SGPP2: variants seen among roughly 807,000 people sequenced by gnomAD.
SGPP2 encodes sphingosine 1-phosphate phosphohydrolase 2.
A neutral mutation model predicts 33.9 loss-of-function variants in SGPP2; 30 were observed. The observed-to-expected ratio is 0.89, with a 90% confidence interval of 0.66 to 1.20. SGPP2 has a LOEUF of 1.20. Among genes scored for constraint, SGPP2 ranks in the 50% most tolerant of loss-of-function variants. SGPP2 has a pLI of 0.00. For synonymous variants in SGPP2, 233 were observed against 225.0 expected (o/e 1.04, Z -0.32); for missense variants, 458 against 532.1 (o/e 0.86, Z 1.37).
chr2:222,483,307 A>ATT (rs202239975), intron 2 of SGPP2, among the ~76,000 whole-genome samples: 4 of 146,336 alleles, frequency 2.7e-5, no homozygotes, highest in African/African-American at 1.0e-4. Flanking sequence ...TATAAATTTC[A>ATT]TTTTTTTTTT....
intron 1 of SGPP2, among the ~76,000 whole-genome samples, chr2:222,444,695 A>G (rs1697373966): frequency 6.6e-6 from 1 of 152,196 alleles, no homozygotes; most frequent in Admixed American, 6.5e-5. Flanking sequence ...CAAACCAACA[A>G]TTTTGAGTGC....
At chr2:222,515,474 A>T (rs13018763) in intron 2 of SGPP2, among the ~76,000 whole-genome samples, 1 of 151,618 alleles carries the variant, frequency 6.6e-6, no homozygotes, top group Non-Finnish European at 1.5e-5. Context: ...GACTACAGGC[A>T]CCCACCACCA....
At chr2:222,558,293 G>C (rs972007964) in intron 4 of SGPP2, 54 bp from the exon 5 acceptor site, 3 of 1,564,602 alleles carry the variant, frequency 1.9e-6, no homozygotes, top group Admixed American at 1.7e-5. Flanking sequence ...AATTATACCT[G>C]TATACAAGGA....
chr2:222,488,024 A>C (rs1698138788), intron 2 of SGPP2, among the ~76,000 whole-genome samples: 1 of 152,126 alleles, frequency 6.6e-6, no homozygotes, highest in African/African-American at 2.4e-5. Context: ...CTAGCTCAGA[A>C]CACACATTCA....
At chr2:222,511,751 C>T (rs373365912) in intron 2 of SGPP2, among the ~76,000 whole-genome samples, 13 of 152,146 alleles carry the variant, frequency 8.5e-5, no homozygotes, top group African/African-American at 2.7e-4. Flanking sequence ...CATCATGGCT[C>T]ACTGCGGTCT....
At position 222,521,763 on chromosome 2, in the gene SGPP2, G is replaced by A. The variant is rs1234730868; in HGVS notation, c.379-4G>A. ...AGACTTACCTCAGTCCTTTGGTTTT[G>A]CAGTTGGTGATGTATATTGGCCAAG... is the stretch of plus-strand genomic sequence containing the variant. On this transcript the variant is annotated splice_polypyrimidine_tract_variant and splice_region_variant and intron_variant, in intron 2 of 4. Transcript: ENST00000321276. 1 of 1,595,816 alleles carries A rather than the reference G, an allele frequency of 6.3e-7. No individual in the cohort carries two copies. Among genetic ancestry groups the A allele is most frequent in the Non-Finnish European group, 8.5e-7 (1 of 1,173,488 alleles).
At chr2:222,500,471 A>C (rs1283384892) in intron 2 of SGPP2, among the ~76,000 whole-genome samples, 1 of 152,188 alleles carries the variant, frequency 6.6e-6, no homozygotes, top group Non-Finnish European at 1.5e-5. Context: ...CTTTGGACTT[A>C]GTTTGCCACA....
At chr2:222,527,183 C>G (rs962201135) in intron 4 of SGPP2, among the ~76,000 whole-genome samples, 1 of 152,044 alleles carries the variant, frequency 6.6e-6, no homozygotes, top group African/African-American at 2.4e-5. Context: ...GGCCTGTCAT[C>G]CAGATGCAAG....
intron 4 of SGPP2, among the ~76,000 whole-genome samples, chr2:222,530,724 A>G (rs1254633486): frequency 6.6e-6 from 1 of 152,224 alleles, no homozygotes; most frequent in African/African-American, 2.4e-5. Context: ...TAATTCATGT[A>G]TTCATTGGAG....
rs1394695967 is a variant in SGPP2, at chr2:222,476,321, G to C, written c.378+1595G>C. ...CCTGGGCCAGGGTGAGGGGTGGCAAGGGCGGGGTATCCACACAAATTCTTC... is the reference window on the plus strand; with the variant it reads ...CCTGGGCCAGGGTGAGGGGTGGCAACGGCGGGGTATCCACACAAATTCTTC... On this transcript the variant is annotated intron_variant, in intron 2 of 4. Transcript: ENST00000321276. The surrounding 1 kb of genome is among the most constrained non-coding windows in gnomAD (Gnocchi z 4.3). 6.6e-6 allele frequency among the ~76,000 whole-genome samples: 1 copy of C among 152,132 alleles called. No homozygotes were observed.
chr2:222,523,090 AG>A (rs1698710555), intron 3 of SGPP2, among the ~76,000 whole-genome samples: 2 of 152,212 alleles, frequency 1.3e-5, no homozygotes, highest in Admixed American at 1.3e-4. Flanking sequence ...TCCATATTCC[AG>A]GTTATGCAGA....
intron 1 of SGPP2, among the ~76,000 whole-genome samples, chr2:222,456,873 T>C (rs1282361843): frequency 2.0e-5 from 3 of 152,206 alleles, no homozygotes; most frequent in Non-Finnish European, 4.4e-5. Flanking sequence ...GCTCCACTTG[T>C]GGGTTGCATG....
At chr2:222,530,691 A>G (rs1353410214) in intron 4 of SGPP2, among the ~76,000 whole-genome samples, 1 of 152,228 alleles carries the variant, frequency 6.6e-6, no homozygotes, top group Non-Finnish European at 1.5e-5. Flanking sequence ...CTTTCTCTAT[A>G]ATAAGGCTGT....
At chr2:222,440,166 C>T (rs1697302830) in intron 1 of SGPP2, among the ~76,000 whole-genome samples, 1 of 152,168 alleles carries the variant, frequency 6.6e-6, no homozygotes, top group Admixed American at 6.5e-5. Flanking sequence ...GGCTTCTGAG[C>T]CTGCTGTGCT....
intron 1 of SGPP2, among the ~76,000 whole-genome samples, chr2:222,430,198 G>C (rs1049301646): frequency 1.3e-5 from 2 of 152,206 alleles, no homozygotes; most frequent in African/African-American, 2.4e-5. Flanking sequence ...GGCTTAAAGA[G>C]TGGGTAGGAA....
upstream of SGPP2, chr2:222,424,520 G>T (rs1261958356): frequency 7.0e-6 from 7 of 995,616 alleles, no homozygotes; most frequent in South Asian, 5.0e-5. Context: ...CGGGATCGGC[G>T]GGGGCGAGGC....
chr2:222,461,553 A>G (rs1697660627), intron 1 of SGPP2, among the ~76,000 whole-genome samples: 1 of 152,088 alleles, frequency 6.6e-6, no homozygotes, highest in Non-Finnish European at 1.5e-5. Context: ...ACAACTCACC[A>G]TAATGTAGAA....
At chr2:222,511,837 C>A (rs1364923092) in intron 2 of SGPP2, among the ~76,000 whole-genome samples, 2 of 151,806 alleles carry the variant, frequency 1.3e-5, no homozygotes, top group African/African-American at 4.8e-5. Context: ...CCCACCACAC[C>A]CGGAAAGTTT....
intron 1 of SGPP2, among the ~76,000 whole-genome samples, chr2:222,461,413 G>A (rs1046958891): frequency 2.0e-5 from 3 of 152,146 alleles, no homozygotes; most frequent in African/African-American, 7.2e-5. Flanking sequence ...CAGTTTCATG[G>A]AAGACGATTT....
Sources: gnomAD v4.1 joint callset for allele counts (sites outside exome capture counted in the v4.1 genomes callset) on GRCh38, gnomAD v4.1.1 for gene constraint, Gnocchi (gnomAD v3.1) non-coding constraint, MANE v1.5 for transcripts, NCBI Gene and HGNC (gene_info 2026-07-23, HGNC 2026-07-21) for gene names.